The following CEP192 variants were observed in gnomAD, a reference collection of about 807,000 sequenced individuals.
The protein encoded by CEP192 is centrosomal protein 192, also known as centrosomal protein of 192 kDa.
Under a neutral mutation model 271.8 loss-of-function variants are expected in CEP192, and 151 were observed. The observed-to-expected ratio is 0.56, with a 90% CI of 0.49 to 0.64. The LOEUF is 0.64. Among genes scored for constraint, CEP192 ranks in the 30% least tolerant of loss-of-function variants. The pLI is 0.00. For missense variants in CEP192, 2,910 were observed against 3,020.5 expected, an observed-to-expected ratio of 0.96 and a Z score of 0.86; for synonymous variants, 995 against 1,076.5, an observed-to-expected ratio of 0.92 and a Z score of 1.48.
At chr18:12,999,066 C>A (rs977480049) in intron 1 of CEP192, among the ~76,000 whole-genome samples, 2 of 152,066 alleles carry the variant, frequency 1.3e-5, no homozygotes, top group African/African-American at 4.8e-5. Flanking sequence ...GTCCTAAAAT[C>A]ATTTGTATAT....
chr18:13,072,907 C>A, intron 29 of CEP192, 62 bp downstream of exon 29: 1 of 1,529,654 alleles, frequency 6.5e-7, no homozygotes, highest in Non-Finnish European at 9.0e-7. Context: ...CTTGCATATG[C>A]AGACCTTTTT....
chr18:12,993,343 T>C (rs1326344493), intron 1 of CEP192, among the ~76,000 whole-genome samples: 2 of 152,184 alleles, frequency 1.3e-5, no homozygotes, highest in Non-Finnish European at 2.9e-5. Context: ...TTTGGAAGTA[T>C]GGTCGTTCCC....
intron 9 of CEP192, chr18:13,024,263 C>T (rs983867350): frequency 2.2e-6 from 1 of 453,786 alleles, no homozygotes; most frequent in African/African-American, 2.0e-5. Context: ...TCTCTGATAA[C>T]TTTCCCTACT....
chr18:13,009,888 G>C (rs2034229653), intron 4 of CEP192, among the ~76,000 whole-genome samples: 1 of 152,120 alleles, frequency 6.6e-6, no homozygotes. Flanking sequence ...AAAATATGGG[G>C]GGTCAGGCAC....
chr18:13,079,040 C>T (rs565590576), intron 30 of CEP192, among the ~76,000 whole-genome samples: 15 of 152,064 alleles, frequency 9.9e-5, no homozygotes, highest in South Asian at 2.1e-4. Context: ...CTATCACTGA[C>T]GGACATTTGG....
intron 42 of CEP192, among the ~76,000 whole-genome samples, chr18:13,115,693 C>T (rs9949163): frequency 2.9e-3 from 436 of 152,150 alleles, no homozygotes; most frequent in African/African-American, 0.01. Context: ...GTGAGAGGGT[C>T]GGCTCCCAGA....
chr18:13,081,430 T>C (rs1303643997), intron 30 of CEP192, among the ~76,000 whole-genome samples: 1 of 152,188 alleles, frequency 6.6e-6, no homozygotes, highest in Non-Finnish European at 1.5e-5. Context: ...TGTAGAGGTG[T>C]TTATATTATT....
intron 30 of CEP192, among the ~76,000 whole-genome samples, chr18:13,077,877 A>G (rs2038372925): frequency 6.6e-6 from 1 of 152,166 alleles, no homozygotes; most frequent in African/African-American, 2.4e-5. Context: ...TATAGTTAAC[A>G]TTTTGCTATA....
intron 30 of CEP192, among the ~76,000 whole-genome samples, chr18:13,079,271 A>G (rs1023623375): frequency 7.9e-5 from 12 of 152,100 alleles, no homozygotes; most frequent in Non-Finnish European, 1.3e-4. Flanking sequence ...AAGTTTTCCT[A>G]TTTCTCCACA....
chr18:13,104,038 A>T, intron 39 of CEP192: 1 of 355,666 alleles, frequency 2.8e-6, no homozygotes. Flanking sequence ...TTCTCTTTAG[A>T]TGAGGATGAT....
intron 34 of CEP192, among the ~76,000 whole-genome samples, chr18:13,093,690 T>C (rs2039256484): frequency 6.6e-6 from 1 of 152,250 alleles, no homozygotes; most frequent in African/African-American, 2.4e-5. Flanking sequence ...TGAAGAGCTA[T>C]ATTGAGCATG....
At position 13,018,545 on chromosome 18, in the gene CEP192, C is replaced by A; in HGVS notation, c.855C>A (p.Leu285=). The change falls in exon 8 of 45, where the codon CTC becomes CTA. Residue 285 remains leucine, a synonymous_variant. Coordinates refer to ENST00000506447, the MANE Select transcript of CEP192 (RefSeq NM_032142.4). Reference sequence around the variant, plus strand: ...AAAATAACAGCTCTCTGATTTCCCTCGACTCACACTCTTCTGAAACAACTC... The same window carrying A: ...AAAATAACAGCTCTCTGATTTCCCTAGACTCACACTCTTCTGAAACAACTC... ...QSENNSSLIS[L]DSHSSETTHK... is the part of the protein sequence containing the mutation. 1 of 1,540,704 alleles carries A rather than the reference C, an allele frequency of 6.5e-7. No individual in the cohort carries two copies. Among genetic ancestry groups the A allele is most frequent in the Non-Finnish European group, 8.8e-7 (1 of 1,139,196 alleles).
intron 36 of CEP192, among the ~76,000 whole-genome samples, chr18:13,097,421 G>A (rs2039453419): frequency 6.6e-6 from 1 of 152,006 alleles, no homozygotes; most frequent in Admixed American, 6.6e-5. Flanking sequence ...ACGGAAACAC[G>A]TTTTTTTCTT....
intron 1 of CEP192, among the ~76,000 whole-genome samples, chr18:12,994,172 G>A (rs1018718073): frequency 7.2e-5 from 11 of 152,162 alleles, no homozygotes; most frequent in Non-Finnish European, 2.9e-5. Flanking sequence ...TTATTTCATT[G>A]GAAGAAGACA....
intron 21 of CEP192, among the ~76,000 whole-genome samples, chr18:13,065,063 A>T (rs972050971): frequency 6.6e-6 from 1 of 151,958 alleles, no homozygotes; most frequent in African/African-American, 2.4e-5. Context: ...TTACTTTTTA[A>T]ATTTCTTTTT....
At chr18:13,076,534 C>A (rs2038292553) in intron 30 of CEP192, among the ~76,000 whole-genome samples, 1 of 152,036 alleles carries the variant, frequency 6.6e-6, no homozygotes, top group Non-Finnish European at 1.5e-5. Flanking sequence ...TTTTTCTTAA[C>A]CTTGTTACTC....
At chr18:13,038,814 G>A (rs1201946955) in intron 13 of CEP192, among the ~76,000 whole-genome samples, 1 of 152,180 alleles carries the variant, frequency 6.6e-6, no homozygotes, top group Admixed American at 6.5e-5. Flanking sequence ...TTTCTTAACA[G>A]CACAGTTTTA....
At position 13,071,103 on chromosome 18, in the gene CEP192, A is replaced by G; in HGVS notation, c.5239A>G (p.Ile1747Val). 1 of 1,614,038 alleles carries G rather than the reference A, an allele frequency of 6.2e-7. No homozygotes were observed. Among genetic ancestry groups the G allele is most frequent in the East Asian group, 2.2e-5 (1 of 44,884 alleles). The change falls in exon 28 of 45, where the codon ATT becomes GTT. Residue 1747 changes from isoleucine to valine, a missense_variant. Physicochemically the swap from Ile to Val is conservative, Grantham distance 29 (BLOSUM62 3). Coordinates refer to ENST00000506447, the MANE Select transcript of CEP192 (RefSeq NM_032142.4). ...TGAGGTAGTGTTAAAAGGCGAAGTC[A>G]TTTCTTCAGGAAGTAAACCTCTGTC... ...QYEVVLKGEV[I>V]SSGSKPLSPG...
At chr18:13,065,728 C>A (rs1568363141) in intron 21 of CEP192, among the ~76,000 whole-genome samples, 1 of 152,270 alleles carries the variant, frequency 6.6e-6, no homozygotes, top group East Asian at 1.9e-4. Flanking sequence ...GCCAGCCAGT[C>A]CACAAGACAG....
Sources: gnomAD v4.1 joint callset for allele counts (sites outside exome capture counted in the v4.1 genomes callset) on GRCh38, gnomAD v4.1.1 for gene constraint, MANE v1.5 for transcripts, NCBI Gene and HGNC (gene_info 2026-07-23, HGNC 2026-07-21) for gene names.